The following NCKAP5 variants were observed in gnomAD, a reference collection of about 807,000 sequenced individuals.
NCKAP5 encodes the protein NCK associated protein 5.
NCKAP5 carries 92 observed loss-of-function variants against 167.0 expected under a neutral mutation model. That is an observed-to-expected ratio of 0.55 (90% CI 0.47 to 0.66). The LOEUF (loss-of-function observed/expected upper bound fraction) is 0.66. Among genes scored for constraint, NCKAP5 ranks in the 30% least tolerant of loss-of-function variants. NCKAP5 has a pLI of 0.00. For synonymous variants in NCKAP5, 891 were observed against 877.4 expected, an observed-to-expected ratio of 1.02 and a Z score of -0.27; for missense variants, 2,378 against 2,315.0, an observed-to-expected ratio of 1.03 and a Z score of -0.56.
At chr2:133,314,202 T>C (rs1681446848) in intron 3 of NCKAP5, among the ~76,000 whole-genome samples, 2 of 152,158 alleles carry the variant, frequency 1.3e-5, no homozygotes, top group Non-Finnish European at 1.5e-5. Context: ...AAGTTATAAG[T>C]TCTTTGCAGT....
chr2:133,555,675 C>A (rs1687692842), intron 2 of NCKAP5, among the ~76,000 whole-genome samples: 1 of 152,168 alleles, frequency 6.6e-6, no homozygotes, highest in Non-Finnish European at 1.5e-5. Context: ...ATATATTGTT[C>A]CTGGGAGTAT....
At chr2:133,565,640 G>C (rs1382987172) in intron 1 of NCKAP5, among the ~76,000 whole-genome samples, 1 of 152,174 alleles carries the variant, frequency 6.6e-6, no homozygotes, top group Non-Finnish European at 1.5e-5. Context: ...ACAGCTCTAA[G>C]TCCACACTGT....
At position 133,225,855 on chromosome 2, in the gene NCKAP5, T is replaced by A. The variant is rs532872104; in HGVS notation, c.144-12076A>T. ...TGGAGTTCAGTGGCGCGATCTCGGC[T>A]CACTGCAACCTCTGACTCCCGGGTT... On this transcript the variant is annotated intron_variant, in intron 4 of 19. Transcript: ENST00000409261. Among the ~76,000 whole-genome samples, 9 of 140,132 alleles carry A rather than the reference T, an allele frequency of 6.4e-5. No individual in the cohort carries two copies. The South Asian group carries it at 2.2e-3, about 34-fold the overall frequency. 91.9% of individuals were successfully genotyped at this position (140,132 alleles called of 152,430 possible).
the NCKAP5 span, among the ~76,000 whole-genome samples, chr2:133,640,033 C>T: frequency 6.6e-6 from 1 of 152,114 alleles, no homozygotes; most frequent in Non-Finnish European, 1.5e-5. Flanking sequence ...AACAATGTGA[C>T]ATAATGATTA....
At chr2:133,635,102 G>A in the NCKAP5 span, among the ~76,000 whole-genome samples, 1,107 of 152,158 alleles carry the variant, frequency 7.3e-3, 14 homozygotes, top group African/African-American at 0.025. Flanking sequence ...TCGAAATCCT[G>A]ACCTCAGGTG....
chr2:132,839,051 C>A (rs888405915), intron 11 of NCKAP5, among the ~76,000 whole-genome samples: 28 of 152,280 alleles, frequency 1.8e-4, no homozygotes, highest in African/African-American at 6.7e-4. Flanking sequence ...CATTTTCTAG[C>A]GCCTTACATG....
rs200075411 is a variant in NCKAP5 at position 133,006,622 on chromosome 2, TTTTA to T, written c.342-12387_342-12384del. On this transcript the variant is annotated intron_variant, in intron 6 of 19. Coordinates refer to ENST00000409261, the MANE Select transcript of NCKAP5 (RefSeq NM_207363.3). The stretch of plus-strand genomic sequence containing the variant: ...CTCACACAGTTTTTATTTTATTTTA[TTTTA>T]TTTTTTTTTTGACACATGTTTAGTC... Among the ~76,000 whole-genome samples, 689 of 79,792 alleles carry T rather than the reference TTTTA, an allele frequency of 8.6e-3. 7 individuals carry two copies. Among genetic ancestry groups the T allele is most frequent in the African/African-American group, 0.028 (514 of 18,194 alleles). The allele number at this position is 79,792 out of a possible 152,430, so 52.3% of individuals were successfully genotyped here.
intron 16 of NCKAP5, among the ~76,000 whole-genome samples, chr2:132,765,043 T>C (rs1459274541): frequency 1.3e-5 from 2 of 152,166 alleles, no homozygotes; most frequent in Admixed American, 1.3e-4. Context: ...GAAAAGATAA[T>C]TCTAGATGCA....
At chr2:132,821,341 T>G (rs933025341) in intron 11 of NCKAP5, among the ~76,000 whole-genome samples, 5 of 152,134 alleles carry the variant, frequency 3.3e-5, no homozygotes, top group Non-Finnish European at 7.4e-5. Flanking sequence ...GTGAGAAATA[T>G]AGAAGTACAA....
rs1558943131 is a variant in NCKAP5, at chr2:132,920,763, A to ATGTATGTATGTATGTATG, written c.580-41848_580-41847insCATACATACATACATACA. On this transcript the variant is annotated intron_variant, in intron 8 of 19. Transcript: ENST00000409261. Reference sequence around the variant, plus strand: ...TATATGTGTATATATATATGTATATATATGTATGTATATATATATATATAT... The same window carrying ATGTATGTATGTATGTATG: ...TATATGTGTATATATATATGTATATATGTATGTATGTATGTATGTATGTATGTATATATATATATATAT... Among the ~76,000 whole-genome samples, 4 of 69,268 alleles carry ATGTATGTATGTATGTATG rather than the reference A, an allele frequency of 5.8e-5. No homozygotes were observed. In the Admixed American group the frequency reaches 6.0e-4, roughly 10 times the overall value. 45.4% of individuals were successfully genotyped at this position (69,268 alleles called of 152,430 possible).
intron 6 of NCKAP5, among the ~76,000 whole-genome samples, chr2:132,998,652 AAAATC>A (rs2077682357): frequency 6.6e-6 from 1 of 152,184 alleles, no homozygotes; most frequent in Non-Finnish European, 1.5e-5. Context: ...CCAAAAATCA[AAAATC>A]AAAGACTAAA....
chr2:133,608,010 C>A, the NCKAP5 span, among the ~76,000 whole-genome samples: 1 of 152,210 alleles, frequency 6.6e-6, no homozygotes, highest in Non-Finnish European at 1.5e-5. Context: ...CCTATATCAA[C>A]TTTCAGTGAT....
intron 3 of NCKAP5, among the ~76,000 whole-genome samples, chr2:133,460,070 G>C (rs1692108419): frequency 6.6e-6 from 1 of 152,166 alleles, no homozygotes; most frequent in Non-Finnish European, 1.5e-5. Flanking sequence ...TGTGACTAAT[G>C]CTTAGTTTTA....
At chr2:133,522,544 C>T (rs1684557824) in intron 2 of NCKAP5, among the ~76,000 whole-genome samples, 2 of 152,206 alleles carry the variant, frequency 1.3e-5, no homozygotes, top group South Asian at 2.1e-4. Context: ...ATTTTATGTT[C>T]TGTGTTCCCC....
chr2:132,853,494 C>T (rs188313969), intron 11 of NCKAP5, among the ~76,000 whole-genome samples: 118 of 152,230 alleles, frequency 7.8e-4, no homozygotes, highest in African/African-American at 2.6e-3. Flanking sequence ...TACAGATTGA[C>T]ACATATGATG....
intron 8 of NCKAP5, among the ~76,000 whole-genome samples, chr2:132,890,968 T>C (rs577945826): frequency 6.6e-6 from 1 of 152,336 alleles, no homozygotes; most frequent in African/African-American, 2.4e-5. Flanking sequence ...GTCCTTATTC[T>C]TGGACTCAAC....
chr2:133,451,611 A>G (rs1691556412), intron 3 of NCKAP5, among the ~76,000 whole-genome samples: 1 of 152,188 alleles, frequency 6.6e-6, no homozygotes, highest in Admixed American at 6.5e-5. Context: ...AGAACAGATG[A>G]CTTTCATGTG....
intron 3 of NCKAP5, among the ~76,000 whole-genome samples, chr2:133,432,910 C>T (rs954423667): frequency 2.6e-5 from 4 of 152,120 alleles, no homozygotes; most frequent in Admixed American, 6.5e-5. Context: ...GTATTTTAAA[C>T]ACTGCTGTGA....
intron 6 of NCKAP5, among the ~76,000 whole-genome samples, chr2:133,055,737 C>T (rs1268259943): frequency 6.6e-6 from 1 of 152,044 alleles, no homozygotes; most frequent in Non-Finnish European, 1.5e-5. Context: ...CTCCACATCT[C>T]ATTATAATAG....
Sources: gnomAD v4.1 joint callset for allele counts (sites outside exome capture counted in the v4.1 genomes callset) on GRCh38, gnomAD v4.1.1 for gene constraint, MANE v1.5 for transcripts, NCBI Gene and HGNC (gene_info 2026-07-23, HGNC 2026-07-21) for gene names.